PCF11: variants seen among roughly 807,000 people sequenced by gnomAD.
PCF11 encodes pre-mRNA cleavage complex 2 protein Pcf11.
Under a neutral mutation model 166.1 loss-of-function variants are expected in PCF11, and 19 were observed. The ratio of observed to expected loss-of-function variants is 0.11; its 90% CI spans 0.08 to 0.17. The LOEUF (loss-of-function observed/expected upper bound fraction) is 0.17. Among genes scored for constraint, PCF11 ranks in the 10% least tolerant of loss-of-function variants. The pLI is 1.00. For missense variants in PCF11, 1,565 were observed against 1,855.5 expected (o/e 0.84, Z 2.88); for synonymous variants, 663 against 644.1 (o/e 1.03, Z -0.44).
chr11:83,173,855 C>T (rs1860784579), intron 9 of PCF11, among the ~76,000 whole-genome samples: 1 of 151,270 alleles, frequency 6.6e-6, no homozygotes, highest in Middle Eastern at 3.4e-3. Context: ...CTCAGCCTCC[C>T]CAGTAGCTGG....
intron 14 of PCF11, 40 bp from the exon 15 acceptor site, chr11:83,182,998 A>G (rs1861135076): frequency 1.8e-6 from 2 of 1,135,590 alleles, no homozygotes; most frequent in South Asian, 2.8e-5. Flanking sequence ...CCCATTAGAA[A>G]TGAATACGCA....
chr11:83,167,747 A>C lies in PCF11; in HGVS notation c.2092+242A>C, dbSNP rs1031075790. Reference sequence around the variant, plus strand: ...GTGAGCCATCCAAAAGTAAACATGCAAGTAGGAATAGTGGAGCACAGTTTG... The same window carrying C: ...GTGAGCCATCCAAAAGTAAACATGCCAGTAGGAATAGTGGAGCACAGTTTG... On this transcript the variant is annotated intron_variant, in intron 7 of 15. Coordinates refer to ENST00000298281, the Ensembl canonical transcript of PCF11. The surrounding 1 kb of genome is among the most constrained non-coding windows in gnomAD (Gnocchi z 4.2). 2 of 1,455,130 alleles carry C rather than the reference A, an allele frequency of 1.4e-6. No individual in the cohort carries two copies. Among genetic ancestry groups the C allele is most frequent in the African/African-American group, 2.8e-5 (2 of 71,330 alleles). 90.1% of individuals were successfully genotyped at this position (1,455,130 alleles called of 1,614,324 possible). A position where few individuals can be genotyped will look rare whatever the true frequency, so the allele number is the denominator to read the frequency against.
intron 11 of PCF11, among the ~76,000 whole-genome samples, chr11:83,178,239 C>T (rs372708341): frequency 9.9e-5 from 15 of 151,950 alleles, no homozygotes; most frequent in East Asian, 3.9e-4. Context: ...AGGCTAGTCT[C>T]GAACTCCTAA....
At chr11:83,165,911 A>G (rs1860434183) in exon 5 of PCF11, 2 of 1,607,976 alleles carry the variant, frequency 1.2e-6, no homozygotes, top group Non-Finnish European at 1.7e-6. Flanking sequence ...CTGAAAAACT[A>G]AATTCATCCA....
chr11:83,183,186 T>C, intron 15 of PCF11, 113 bp downstream of exon 15: 2 of 608,116 alleles, frequency 3.3e-6, no homozygotes, highest in Non-Finnish European at 5.6e-6. Flanking sequence ...TATATTGAAC[T>C]GTTTTTGTTT....
exon 8 of PCF11, chr11:83,169,944 T>C: frequency 1.2e-6 from 2 of 1,608,326 alleles, no homozygotes; most frequent in Admixed American, 1.7e-5. Context: ...TTGGAAACTT[T>C]GGCAATATAC....
At chr11:83,171,327 T>C (rs1276345937) in intron 8 of PCF11, 1 of 453,628 alleles carries the variant, frequency 2.2e-6, no homozygotes, top group Non-Finnish European at 4.4e-6. Flanking sequence ...AGAACAGGCT[T>C]TTGATATCTG....
At chr11:83,184,854 C>T (rs1048161156) in exon 16 of PCF11, 16 of 1,571,896 alleles carry the variant, frequency 1.0e-5, no homozygotes, top group Non-Finnish European at 3.4e-6. Context: ...GCAACACCCT[C>T]TGAAATTAAA....
chr11:83,160,034 T>C (rs1182050008), intron 1 of PCF11, among the ~76,000 whole-genome samples: 3 of 152,244 alleles, frequency 2.0e-5, no homozygotes, highest in East Asian at 1.9e-4. Context: ...GTACTTAATA[T>C]AGTTGACCCA....
At chr11:83,171,217 A>G in intron 8 of PCF11, 2 of 422,454 alleles carry the variant, frequency 4.7e-6, no homozygotes, top group Non-Finnish European at 4.7e-6. Context: ...CATCTTTTAC[A>G]AGACCTTTTA....
chr11:83,157,833 G>A, intron 1 of PCF11: 1 of 591,266 alleles, frequency 1.7e-6, no homozygotes, highest in Non-Finnish European at 3.0e-6. Context: ...AGGATAAAGG[G>A]TGGAGTCCCA....
At chr11:83,165,268 G>A (rs1477207324) in intron 4 of PCF11, among the ~76,000 whole-genome samples, 1 of 152,200 alleles carries the variant, frequency 6.6e-6, no homozygotes, top group Non-Finnish European at 1.5e-5. Flanking sequence ...TCTGATTCTT[G>A]TGCAGCCGGA....
At chr11:83,173,455 GA>G (rs1247376314) in intron 9 of PCF11, among the ~76,000 whole-genome samples, 2 of 141,664 alleles carry the variant, frequency 1.4e-5, no homozygotes, top group African/African-American at 5.3e-5. Context: ...CTCCGTCTCA[GA>G]AAAAAAACCA....
chr11:83,176,782 C>T (rs527335056), intron 9 of PCF11, among the ~76,000 whole-genome samples: 1 of 151,882 alleles, frequency 6.6e-6, no homozygotes, highest in Admixed American at 6.5e-5. Flanking sequence ...CACATGTATA[C>T]CTATGTAACA....
At chr11:83,162,683 A>T (rs1012242510) in intron 2 of PCF11, among the ~76,000 whole-genome samples, 1 of 152,228 alleles carries the variant, frequency 6.6e-6, no homozygotes, top group Non-Finnish European at 1.5e-5. Flanking sequence ...AGACTTATGA[A>T]TATAGTTAAG....
chr11:83,165,942 G>A lies in PCF11; in HGVS notation c.1045G>A (p.Gly349Ser), dbSNP rs1422964704. The change falls in exon 5 of 16, where the codon GGT becomes AGT. Residue 349 changes from glycine (G) to serine (S), a missense_variant. By Grantham distance (56) the Gly-to-Ser change is moderately conservative. This residue lies in a region of PCF11 where 468 missense variants were observed against 483.4 expected (regional missense o/e 0.97). Coordinates refer to ENST00000298281, the Ensembl canonical transcript of PCF11. Reference sequence around the variant, plus strand: ...ATCCAAGCAAGAAAAAAGTAAATCAGGTGAAAAAATAACCAAGAAAGAACT... The same window carrying A: ...ATCCAAGCAAGAAAAAAGTAAATCAAGTGAAAAAATAACCAAGAAAGAACT... 3 of 1,607,054 alleles carry A rather than the reference G, an allele frequency of 1.9e-6. No homozygotes were observed. Among genetic ancestry groups the A allele is most frequent in the African/African-American group, 2.7e-5 (2 of 74,348 alleles).
chr11:83,182,210 C>G (rs533778802), intron 13 of PCF11, among the ~76,000 whole-genome samples, 189 bp from the exon 14 acceptor site: 1 of 152,340 alleles, frequency 6.6e-6, no homozygotes, highest in African/African-American at 2.4e-5. Context: ...GAAATGTTTA[C>G]TCTTTTTACT....
intron 3 of PCF11, 22 bp from the exon 4 acceptor site, chr11:83,164,185 A>AACAAATTGTCTTTTCTTAT: frequency 6.4e-7 from 1 of 1,571,730 alleles, no homozygotes. Context: ...GTTTTTCTTA[A>AACAAATTGTCTTTTCTTAT]ACAAATTGTC....
intron 11 of PCF11, among the ~76,000 whole-genome samples, chr11:83,178,560 C>T (rs1860966189): frequency 6.6e-6 from 1 of 151,856 alleles, no homozygotes; most frequent in Non-Finnish European, 1.5e-5. Context: ...CTTTGTAAGG[C>T]CGAGGCAGGT....
Sources: allele counts gnomAD v4.1 joint callset (sites outside exome capture counted in the v4.1 genomes callset), GRCh38; gene constraint gnomAD v4.1.1; regional missense constraint gnomAD v4.1.1; non-coding constraint Gnocchi (gnomAD v3.1); transcripts MANE v1.5; gene names NCBI Gene and HGNC (gene_info 2026-07-23, HGNC 2026-07-21).